LTN1: variants seen among roughly 807,000 people sequenced by gnomAD.
LTN1 encodes E3 ubiquitin-protein ligase listerin.
In LTN1, 88 loss-of-function variants were observed where a neutral mutation model predicts 201.2. The ratio of observed to expected loss-of-function variants is 0.44; its 90% CI spans 0.37 to 0.52. The LOEUF (loss-of-function observed/expected upper bound fraction) is 0.52. Among genes scored for constraint, LTN1 ranks in the 20% least tolerant of loss-of-function variants. The pLI is 0.00. For synonymous variants in LTN1, 645 were observed against 713.5 expected (o/e 0.90, Z 1.53); for missense variants, 1,752 against 2,038.7 (o/e 0.86, Z 2.71).
At chr21:28,944,668 G>T in intron 21 of LTN1, 72 bp from the exon 22 acceptor site, 1 of 1,034,398 alleles carries the variant, frequency 9.7e-7, no homozygotes, top group African/African-American at 1.6e-5. Context: ...CCAATATAAA[G>T]AAAAGCCCCA....
chr21:28,947,495 GC>G lies in LTN1; in HGVS notation c.3455del (p.Gly1152AlafsTer29). 6.4e-7 allele frequency: 1 copy of G among 1,554,376 alleles called. No individual in the cohort carries two copies. The highest frequency in any genetic ancestry group is 1.4e-5 in the African/African-American group (1 of 72,152). ...FSAQCIPALLGWTKKDLCSTN... is the reference protein window; with the variant it reads ...FSAQCIPALLXWTKKDLCSTN... ...TGCTGCAAAGATCTTTCTTAGTCCA[GC>G]CCAAAAGAGCAGGTATACATTGAGC... is the stretch of plus-strand genomic sequence containing the variant. On this transcript the variant is annotated frameshift_variant, in exon 19 of 30. Coordinates refer to ENST00000361371, the MANE Select transcript of LTN1 (RefSeq NM_015565.3). LOFTEE classifies it high-confidence loss of function.
At chr21:28,968,195 C>T (rs1175480200) in intron 9 of LTN1, among the ~76,000 whole-genome samples, 1 of 152,032 alleles carries the variant, frequency 6.6e-6, no homozygotes, top group Non-Finnish European at 1.5e-5. Flanking sequence ...TCAATTATTC[C>T]TTTTTCATGA....
chr21:28,982,437 G>C, intron 4 of LTN1, 69 bp from the exon 5 acceptor site: 1 of 1,157,020 alleles, frequency 8.6e-7, no homozygotes, highest in Non-Finnish European at 1.3e-6. Context: ...ACAGAGCCTA[G>C]TTAAATAAAA....
intron 1 of LTN1, among the ~76,000 whole-genome samples, chr21:28,990,178 AATTCTTTAAC>A (rs2084733913): frequency 6.6e-6 from 1 of 152,112 alleles, no homozygotes; most frequent in Admixed American, 6.6e-5. Flanking sequence ...CCTGCATCAT[AATTCTTTAAC>A]ATTTGCTTAC....
At chr21:28,978,728 T>C (rs888785410) in intron 6 of LTN1, among the ~76,000 whole-genome samples, 1 of 152,064 alleles carries the variant, frequency 6.6e-6, no homozygotes, top group Non-Finnish European at 1.5e-5. Flanking sequence ...TAATCTGTCA[T>C]GAGATTAGAA....
chr21:28,932,371 T>C, intron 28 of LTN1, 99 bp downstream of exon 28: 1 of 981,998 alleles, frequency 1.0e-6, no homozygotes, highest in Non-Finnish European at 1.6e-6. Context: ...ATATCTACTT[T>C]TATCTTAAGC....
chr21:28,964,340 G>A (rs756873329), intron 11 of LTN1, among the ~76,000 whole-genome samples: 1 of 152,160 alleles, frequency 6.6e-6, no homozygotes, highest in Non-Finnish European at 1.5e-5. Context: ...CAGCAGCCAT[G>A]AACATTGAGG....
chr21:28,981,387 T>A, intron 5 of LTN1, 88 bp from the exon 6 acceptor site: 1 of 702,042 alleles, frequency 1.4e-6, no homozygotes, highest in Non-Finnish European at 2.1e-6. Context: ...GTTTTATCAT[T>A]AAATATCTAC....
At chr21:28,989,136 TA>T (rs2146321355) in intron 1 of LTN1, among the ~76,000 whole-genome samples, 1 of 152,290 alleles carries the variant, frequency 6.6e-6, no homozygotes, top group South Asian at 2.1e-4. Context: ...TTATAATTCT[TA>T]AACTAAATAT....
At position 28,986,208 on chromosome 21, in the gene LTN1, T is replaced by G. The variant is rs1382725940; in HGVS notation, c.276A>C (p.Thr92=). ...CTTTCACAGTTTCTGTGTCTCTCTC[T>G]GTACACATGGTTCCAAATTCCTGCA... ...KAMQEFGTMC[T]ERDTETVKGV... Residue 92 remains threonine (T), a synonymous_variant, in exon 3 of 30, where the codon ACA becomes ACC. Transcript: ENST00000361371. This position sits in a 1 kb window ranked among gnomAD's most constrained non-coding sequence, Gnocchi z 4.1. 1.2e-6 allele frequency: 2 copies of G among 1,612,920 alleles called. No individual in the cohort carries two copies.
chr21:28,964,557 T>C, intron 11 of LTN1: 3 of 1,490,992 alleles, frequency 2.0e-6, no homozygotes, highest in Non-Finnish European at 1.8e-6. Context: ...TTTATTGCTG[T>C]GGTGTGGAAC....
chr21:28,950,700 A>G (rs1276303258), intron 18 of LTN1, among the ~76,000 whole-genome samples: 1 of 151,914 alleles, frequency 6.6e-6, no homozygotes, highest in East Asian at 1.9e-4. Flanking sequence ...ATTTTTTTGT[A>G]GAGATGTTTC....
chr21:28,977,568 C>T (rs1216822647), intron 6 of LTN1, among the ~76,000 whole-genome samples: 1 of 151,522 alleles, frequency 6.6e-6, no homozygotes, highest in African/African-American at 2.4e-5. Context: ...AGTAAAAATA[C>T]GTAAATTATC....
At chr21:28,956,500 T>C (rs1426499437) in intron 16 of LTN1, among the ~76,000 whole-genome samples, 2 of 152,192 alleles carry the variant, frequency 1.3e-5, no homozygotes, top group African/African-American at 2.4e-5. Context: ...TCTGTTTACA[T>C]TGATGTCATG....
chr21:28,959,262 C>A (rs747371716), intron 13 of LTN1, 196 bp downstream of exon 13: 50 of 544,230 alleles, frequency 9.2e-5, no homozygotes, highest in Admixed American at 2.3e-4. Context: ...CAAGTGAGAT[C>A]TTTAGAAATA....
At chr21:28,951,662 A>C (rs1337683654) in intron 18 of LTN1, among the ~76,000 whole-genome samples, 2 of 152,140 alleles carry the variant, frequency 1.3e-5, no homozygotes, top group African/African-American at 4.8e-5. Flanking sequence ...TATAGAGTTA[A>C]AACTATTTAC....
chr21:28,970,646 G>GATAT lies in LTN1; in HGVS notation c.1077_1080dup (p.Pro361IlefsTer40). 6.2e-7 allele frequency: 1 copy of GATAT among 1,613,728 alleles called. No homozygotes were observed. Reference sequence around the variant, plus strand: ...TTGCTGATGAATGGCAGAAGGTAAGGATATATGACAGTAGCTAGACCCCGA... The same window carrying GATAT: ...TTGCTGATGAATGGCAGAAGGTAAGGATATATATATGACAGTAGCTAGACCCCGA... On this transcript the variant is annotated frameshift_variant, in exon 8 of 30. Transcript: ENST00000361371. LOFTEE classifies it high-confidence loss of function.
intron 25 of LTN1, among the ~76,000 whole-genome samples, chr21:28,940,027 T>TA (rs2084285269): frequency 6.6e-6 from 1 of 152,204 alleles, no homozygotes; most frequent in Non-Finnish European, 1.5e-5. Context: ...CAACATAAAT[T>TA]ATAATTTAAA....
intron 24 of LTN1, among the ~76,000 whole-genome samples, chr21:28,942,334 C>T (rs367583933): frequency 1.3e-5 from 2 of 152,182 alleles, no homozygotes; most frequent in Non-Finnish European, 2.9e-5. Context: ...TCCACCTCTG[C>T]TTGCTTCTTT....
Sources: allele counts gnomAD v4.1 joint callset (sites outside exome capture counted in the v4.1 genomes callset), GRCh38; gene constraint gnomAD v4.1.1; non-coding constraint Gnocchi (gnomAD v3.1); transcripts MANE v1.5; gene names NCBI Gene and HGNC (gene_info 2026-07-23, HGNC 2026-07-21).